The following ZC3H12B variants were observed in gnomAD, a reference collection of about 807,000 sequenced individuals.
ZC3H12B encodes zinc finger CCCH-type containing 12B.
A neutral mutation model predicts 43.9 loss-of-function variants in ZC3H12B; 7 were observed. That is an observed-to-expected ratio of 0.16 (90% CI 0.09 to 0.30). ZC3H12B has a LOEUF of 0.30. Among genes scored for constraint, ZC3H12B ranks in the 10% least tolerant of loss-of-function variants. ZC3H12B has a pLI of 1.00. For synonymous variants in ZC3H12B, 222 were observed against 241.7 expected (o/e 0.92, Z 0.76); for missense variants, 475 against 670.2 (o/e 0.71, Z 3.22).
the ZC3H12B span, among the ~76,000 whole-genome samples, chrX:65,241,322 A>G: frequency 1.8e-5 from 2 of 110,452 alleles, no homozygotes; most frequent in Admixed American, 9.5e-5. Context: ...TAAAGAAGCA[A>G]TCTAGTCACA....
the ZC3H12B span, among the ~76,000 whole-genome samples, chrX:65,056,550 GA>G: frequency 9.0e-6 from 1 of 111,712 alleles, no homozygotes; most frequent in Non-Finnish European, 1.9e-5. Flanking sequence ...GTGGTGCTGA[GA>G]AGAATGTATA....
chrX:65,089,153 C>T, the ZC3H12B span, among the ~76,000 whole-genome samples: 2 of 111,014 alleles, frequency 1.8e-5, no homozygotes, highest in Admixed American at 9.6e-5. Context: ...TCTTGTGTTA[C>T]TTAATGTTGG....
the ZC3H12B span, among the ~76,000 whole-genome samples, chrX:65,134,805 GAA>G: frequency 9.0e-6 from 1 of 111,472 alleles, no homozygotes; most frequent in Non-Finnish European, 1.9e-5. Flanking sequence ...GGCTGAGTCT[GAA>G]AAGAGTCAGC....
chrX:65,053,166 G>C, the ZC3H12B span, among the ~76,000 whole-genome samples: 1 of 109,882 alleles, frequency 9.1e-6, no homozygotes, highest in Non-Finnish European at 1.9e-5. Flanking sequence ...CTGCAGGTTT[G>C]TTACGTATGT....
intron 3 of ZC3H12B, among the ~76,000 whole-genome samples, chrX:65,416,112 C>T (rs1022519228): frequency 8.9e-6 from 1 of 111,840 alleles, no homozygotes; most frequent in East Asian, 2.8e-4. Context: ...TTAATTAACA[C>T]CCATGACCAC....
At chrX:65,252,067 T>G in the ZC3H12B span, among the ~76,000 whole-genome samples, 1 of 111,943 alleles carries the variant, frequency 8.9e-6, no homozygotes, top group Non-Finnish European at 1.9e-5. Context: ...ATATTGGCTG[T>G]GGGTTTGTCA....
chrX:65,259,148 G>A, the ZC3H12B span, among the ~76,000 whole-genome samples: 1 of 111,786 alleles, frequency 8.9e-6, no homozygotes, highest in African/African-American at 3.3e-5. Context: ...GCATCACAGT[G>A]CCCAATGTCA....
At chrX:65,449,627 TA>T (rs199559067) in intron 3 of ZC3H12B, among the ~76,000 whole-genome samples, 17 of 106,116 alleles carry the variant, frequency 1.6e-4, no homozygotes, top group African/African-American at 4.1e-4. Context: ...TCAAAAGAAT[TA>T]AAAAAAAAAT....
chrX:65,160,895 T>C, the ZC3H12B span, among the ~76,000 whole-genome samples: 1 of 111,525 alleles, frequency 9.0e-6, no homozygotes, highest in Admixed American at 9.6e-5. Context: ...CTTGTGGGCA[T>C]TTAGTGCTAT....
the ZC3H12B span, among the ~76,000 whole-genome samples, chrX:65,261,826 G>A: frequency 1.8e-5 from 2 of 110,932 alleles, no homozygotes; most frequent in African/African-American, 3.3e-5. Flanking sequence ...ATCTAGATAT[G>A]TCAAAACTTG....
At chrX:65,502,814 G>A in exon 5 of ZC3H12B, 2 of 1,207,778 alleles carry the variant, frequency 1.7e-6, no homozygotes, top group Non-Finnish European at 1.1e-6. Flanking sequence ...TAGCATTTCC[G>A]ACTCCCGCCT....
the ZC3H12B span, among the ~76,000 whole-genome samples, chrX:65,102,527 G>C: frequency 9.0e-6 from 1 of 111,615 alleles, no homozygotes; most frequent in African/African-American, 3.2e-5. Flanking sequence ...GATAAGCAAC[G>C]TCAGCAAAGT....
chrX:65,196,310 G>A, the ZC3H12B span, among the ~76,000 whole-genome samples: 1 of 110,220 alleles, frequency 9.1e-6, no homozygotes, highest in Non-Finnish European at 1.9e-5. Flanking sequence ...AAGGAAATGC[G>A]ACTCCCCAAA....
chrX:65,337,048 C>A, the ZC3H12B span, among the ~76,000 whole-genome samples: 41 of 111,986 alleles, frequency 3.7e-4, no homozygotes, highest in Admixed American at 3.2e-3. Context: ...AGCCCTGAAC[C>A]CAAGTTCGGT....
At chrX:65,435,042 C>T (rs1017613352) in intron 3 of ZC3H12B, among the ~76,000 whole-genome samples, 1 of 112,271 alleles carries the variant, frequency 8.9e-6, no homozygotes, top group African/African-American at 3.2e-5. Flanking sequence ...AAAGCCCTCA[C>T]TTTAACAGTA....
the ZC3H12B span, among the ~76,000 whole-genome samples, chrX:65,174,997 G>A: frequency 8.9e-6 from 1 of 111,907 alleles, no homozygotes; most frequent in Non-Finnish European, 1.9e-5. Context: ...ACCCGGGTTT[G>A]TGCTTGAAAC....
the ZC3H12B span, among the ~76,000 whole-genome samples, chrX:65,103,441 T>G: frequency 8.9e-6 from 1 of 111,751 alleles, no homozygotes; most frequent in Non-Finnish European, 1.9e-5. Flanking sequence ...ACACACATGC[T>G]TTACAAACAA....
chrX:65,420,087 T>G (rs1451198365), intron 3 of ZC3H12B, among the ~76,000 whole-genome samples: 1 of 111,731 alleles, frequency 9.0e-6, no homozygotes, highest in Non-Finnish European at 1.9e-5. Flanking sequence ...ATAGACTCAG[T>G]CTTCAAGCTC....
the ZC3H12B span, among the ~76,000 whole-genome samples, chrX:65,233,290 A>G: frequency 8.9e-6 from 1 of 111,805 alleles, no homozygotes; most frequent in Admixed American, 9.5e-5. Flanking sequence ...CAGCTACAGA[A>G]TACACACTTG....
Sources: allele counts gnomAD v4.1 joint callset (sites outside exome capture counted in the v4.1 genomes callset), GRCh38; gene constraint gnomAD v4.1.1; transcripts MANE v1.5; gene names NCBI Gene and HGNC (gene_info 2026-07-23, HGNC 2026-07-21).